The following FOXJ3 variants were observed in gnomAD, a reference collection of about 807,000 sequenced individuals.
FOXJ3 encodes the protein forkhead box J3, also known as forkhead box protein J3.
FOXJ3 carries 22 observed loss-of-function variants against 76.1 expected under a neutral mutation model. That is an observed-to-expected ratio of 0.29 (90% CI 0.21 to 0.41). The LOEUF is 0.41. Among genes scored for constraint, FOXJ3 ranks in the 10% least tolerant of loss-of-function variants. The pLI is 1.00. For synonymous variants in FOXJ3, 269 were observed against 261.2 expected, an observed-to-expected ratio of 1.03 and a Z score of -0.29; for missense variants, 613 against 762.1, an observed-to-expected ratio of 0.80 and a Z score of 2.30.
At chr1:42,180,421 A>G (rs903890689) in intron 12 of FOXJ3, among the ~76,000 whole-genome samples, 3 of 152,082 alleles carry the variant, frequency 2.0e-5, no homozygotes, top group African/African-American at 7.2e-5. Context: ...ATGCTCCCCA[A>G]TTTTGATTCA....
intron 4 of FOXJ3, among the ~76,000 whole-genome samples, chr1:42,253,159 T>C (rs1206967194): frequency 1.3e-5 from 2 of 150,066 alleles, no homozygotes; most frequent in Non-Finnish European, 3.0e-5. Flanking sequence ...AGCATTCTTA[T>C]ACACCAATAA....
intron 11 of FOXJ3, among the ~76,000 whole-genome samples, chr1:42,186,094 G>C (rs1404639238): frequency 6.6e-6 from 1 of 152,068 alleles, no homozygotes; most frequent in African/African-American, 2.4e-5. Flanking sequence ...ATACTTCTAA[G>C]AAATTATGAC....
At chr1:42,244,090 T>C (rs962853439) in intron 4 of FOXJ3, among the ~76,000 whole-genome samples, 1 of 151,924 alleles carries the variant, frequency 6.6e-6, no homozygotes, top group Non-Finnish European at 1.5e-5. Flanking sequence ...ATAAAGAAAT[T>C]AAGAAGGAAA....
chr1:42,301,887 A>G (rs887833600), intron 2 of FOXJ3, among the ~76,000 whole-genome samples: 1 of 151,848 alleles, frequency 6.6e-6, no homozygotes, highest in African/African-American at 2.4e-5. Context: ...CTTTTTTCAT[A>G]GTTTCAGAGT....
intron 4 of FOXJ3, among the ~76,000 whole-genome samples, chr1:42,254,881 G>C (rs1201830243): frequency 6.6e-6 from 1 of 150,634 alleles, no homozygotes; most frequent in South Asian, 2.1e-4. Context: ...GAGTTAATGG[G>C]TGCAGCACAC....
chr1:42,297,744 G>C (rs1653878426), intron 2 of FOXJ3, among the ~76,000 whole-genome samples: 2 of 152,036 alleles, frequency 1.3e-5, no homozygotes, highest in South Asian at 4.1e-4. Context: ...GCCTGACTTT[G>C]GTATCTGGTG....
At chr1:42,295,476 T>C (rs1027321947) in intron 2 of FOXJ3, among the ~76,000 whole-genome samples, 14 of 151,800 alleles carry the variant, frequency 9.2e-5, no homozygotes, top group African/African-American at 2.9e-4. Flanking sequence ...GTTGCTTCCA[T>C]GACTTTGCTG....
intron 4 of FOXJ3, among the ~76,000 whole-genome samples, chr1:42,228,516 T>C (rs923797820): frequency 4.1e-5 from 6 of 146,532 alleles, no homozygotes; most frequent in African/African-American, 1.5e-4. Flanking sequence ...CATTTGAAAA[T>C]ATGTATGGAG....
At chr1:42,334,397 C>T (rs561255203) in intron 1 of FOXJ3, among the ~76,000 whole-genome samples, 23 of 152,274 alleles carry the variant, frequency 1.5e-4, no homozygotes, top group Admixed American at 1.4e-3. Flanking sequence ...CCCTCCTCAC[C>T]AGCTGCAAAA....
At chr1:42,192,087 G>A (rs1044560013) in intron 8 of FOXJ3, among the ~76,000 whole-genome samples, 4 of 152,168 alleles carry the variant, frequency 2.6e-5, no homozygotes, top group Non-Finnish European at 5.9e-5. Flanking sequence ...GGAAATGTTC[G>A]GGGAAAAGTG....
At chr1:42,334,178 A>C in intron 1 of FOXJ3, 1 of 946,014 alleles carries the variant, frequency 1.1e-6, no homozygotes, top group Middle Eastern at 5.5e-4. Context: ...ATAATTAAGC[A>C]ACAGAGAAAA....
At chr1:42,189,450 G>T in intron 9 of FOXJ3, 46 bp from the exon 10 acceptor site, 1 of 1,372,068 alleles carries the variant, frequency 7.3e-7, no homozygotes, top group Non-Finnish European at 1.0e-6. Context: ...GTGAAAGGGT[G>T]AAGTGTGGTA....
At chr1:42,285,714 AGAGCAGATTAAAAG>A (rs1482939876) in intron 2 of FOXJ3, among the ~76,000 whole-genome samples, 1 of 115,724 alleles carries the variant, frequency 8.6e-6, no homozygotes, top group Non-Finnish European at 2.2e-5. Context: ...ATCTTCCCAA[AGAGCAGATTAAAAG>A]GACTTATTAC....
intron 9 of FOXJ3, among the ~76,000 whole-genome samples, chr1:42,190,984 T>A (rs1011984119): frequency 6.6e-6 from 1 of 152,170 alleles, no homozygotes; most frequent in African/African-American, 2.4e-5. Context: ...ATTCTTTTAG[T>A]TGCACTTTTC....
chr1:42,247,003 A>C (rs1441935877), intron 4 of FOXJ3, among the ~76,000 whole-genome samples: 1 of 152,196 alleles, frequency 6.6e-6, no homozygotes, highest in Admixed American at 6.5e-5. Context: ...GAGCAGAATG[A>C]CAGTCCCCAG....
At chr1:42,230,343 G>A (rs1647975651) in intron 4 of FOXJ3, among the ~76,000 whole-genome samples, 1 of 151,996 alleles carries the variant, frequency 6.6e-6, no homozygotes, top group Non-Finnish European at 1.5e-5. Flanking sequence ...AAAAAAAACA[G>A]AAAATAGCAG....
chr1:42,195,188 T>C lies in FOXJ3; in HGVS notation c.760-124A>G, dbSNP rs532855800. On this transcript the variant is annotated intron_variant, in intron 7 of 12. Coordinates refer to ENST00000361346, the MANE Select transcript of FOXJ3 (RefSeq NM_014947.5). ...TTCAAAGAAAATAACTCTTCTGTCT[T>C]AGGCTTTCCCATCCTCTGTTAAAGC... is the stretch of plus-strand genomic sequence containing the variant. 1.2e-5 allele frequency: 8 copies of C among 669,798 alleles called. No individual in the cohort carries two copies. In the South Asian group the frequency reaches 2.3e-4, roughly 19 times the overall value. The allele number at this position is 669,798 out of a possible 1,614,324, so 41.5% of individuals were successfully genotyped here. A position where few individuals can be genotyped will look rare whatever the true frequency, so the allele number is the denominator to read the frequency against.
chr1:42,239,080 C>T (rs1648925788), intron 4 of FOXJ3, among the ~76,000 whole-genome samples: 1 of 152,152 alleles, frequency 6.6e-6, no homozygotes, highest in Non-Finnish European at 1.5e-5. Flanking sequence ...ATTTTCCAAG[C>T]ATTCCTTCCT....
At chr1:42,209,922 G>A (rs996869655) in intron 5 of FOXJ3, among the ~76,000 whole-genome samples, 16 of 152,166 alleles carry the variant, frequency 1.1e-4, no homozygotes, top group African/African-American at 3.9e-4. Flanking sequence ...GCAGGAGCTG[G>A]GTGTCCCTGC....
Sources: allele counts gnomAD v4.1 joint callset (sites outside exome capture counted in the v4.1 genomes callset), GRCh38; gene constraint gnomAD v4.1.1; transcripts MANE v1.5; gene names NCBI Gene and HGNC (gene_info 2026-07-23, HGNC 2026-07-21).